The following LRRN3 variants were observed in gnomAD, a reference collection of about 807,000 sequenced individuals.
The protein encoded by LRRN3 is leucine-rich repeat neuronal protein 3.
Under a neutral mutation model 40.1 loss-of-function variants are expected in LRRN3, and 15 were observed. The observed-to-expected ratio is 0.37, with a 90% CI of 0.25 to 0.58. The LOEUF (loss-of-function observed/expected upper bound fraction) is 0.58, where lower values mean the gene tolerates loss of function less well. LRRN3 is among the 20% of genes least tolerant of loss of function. LRRN3 has a pLI of 0.72. For missense variants in LRRN3, 746 were observed against 837.7 expected (o/e 0.89, Z 1.35); for synonymous variants, 308 against 297.2 (o/e 1.04, Z -0.37).
chr7:111,107,649 A>AATC (rs1352273651), intron 2 of LRRN3, among the ~76,000 whole-genome samples: 1 of 152,122 alleles, frequency 6.6e-6, no homozygotes, highest in East Asian at 1.9e-4. Context: ...GTAAAGTAAT[A>AATC]ATCTCAAATA....
At chr7:111,119,963 G>A (rs1343562942) in intron 2 of LRRN3, among the ~76,000 whole-genome samples, 2 of 152,158 alleles carry the variant, frequency 1.3e-5, no homozygotes, top group East Asian at 3.9e-4. Flanking sequence ...TTCTTGAACT[G>A]AGGTTTGAAA....
Position 111,124,399 on chromosome 7 carries a change from G to A in LRRN3, c.1627G>A (p.Ala543Thr), listed in dbSNP as rs1396309139. The change falls in exon 3 of 3, where the codon GCA becomes ACA. Residue 543 changes from alanine to threonine, a missense_variant. Transcript: ENST00000308478. The stretch of plus-strand genomic sequence containing the variant: ...CAATTCAGTTTTGGTGTCCTGGAAA[G>A]CAAGTTCTAAAATTCTCAAATCTAG... ...QANSVLVSWK[A>T]SSKILKSSVK... 1 of 1,613,760 alleles carries A rather than the reference G, an allele frequency of 6.2e-7. No homozygotes were observed. Among genetic ancestry groups the A allele is most frequent in the Admixed American group, 1.7e-5 (1 of 59,914 alleles).
chr7:111,108,910 A>G (rs982132735), intron 2 of LRRN3, among the ~76,000 whole-genome samples: 6 of 152,194 alleles, frequency 3.9e-5, no homozygotes, highest in African/African-American at 9.6e-5. Context: ...ATTGAACAAC[A>G]ATAGCAGGCA....
At chr7:111,091,818 TG>T (rs1796895817) in intron 1 of LRRN3, among the ~76,000 whole-genome samples, 1 of 142,222 alleles carries the variant, frequency 7.0e-6, no homozygotes, top group South Asian at 2.3e-4. Flanking sequence ...AAGGGAACAG[TG>T]GGGGAGAAGA....
chr7:111,107,774 T>TTTGCAACATTTGGCTG (rs1259262683), intron 2 of LRRN3, among the ~76,000 whole-genome samples: 1 of 152,120 alleles, frequency 6.6e-6, no homozygotes, highest in Non-Finnish European at 1.5e-5. Flanking sequence ...CAAAGATTTA[T>TTTGCAACATTTGGCTG]TTGCAACATT....
At position 111,124,633 on chromosome 7, in the gene LRRN3, T is replaced by G; in HGVS notation, c.1861T>G (p.Tyr621Asp). 1 of 1,613,166 alleles carries G rather than the reference T, an allele frequency of 6.2e-7. No individual in the cohort carries two copies. The highest frequency in any genetic ancestry group is 8.5e-7 in the Non-Finnish European group (1 of 1,179,826). The change falls in exon 3 of 3, where the codon TAT becomes GAT. Residue 621 changes from tyrosine (Y) to aspartate (D), a missense_variant. Tyr to Asp is a radical substitution (Grantham distance 160). Transcript: ENST00000308478. ...AGGTTTGCACCCTGATCAAAAAGAG[T>G]ATGAAAAGAATAATACCACAACACT... ...TKGLHPDQKE[Y>D]EKNNTTTLMA... is the part of the protein sequence containing the mutation.
chr7:111,117,609 C>T (rs1800041697), intron 2 of LRRN3, among the ~76,000 whole-genome samples: 1 of 151,966 alleles, frequency 6.6e-6, no homozygotes, highest in Non-Finnish European at 1.5e-5. Flanking sequence ...ATAGAACAGT[C>T]TTTTACAAGG....
intron 2 of LRRN3, among the ~76,000 whole-genome samples, chr7:111,105,721 T>C (rs1393747311): frequency 6.6e-6 from 1 of 151,880 alleles, no homozygotes; most frequent in Non-Finnish European, 1.5e-5. Context: ...TGTTTGCATT[T>C]GTATTATGTG....
chr7:111,111,847 G>GA (rs1407547374), intron 2 of LRRN3, among the ~76,000 whole-genome samples: 2 of 135,870 alleles, frequency 1.5e-5, no homozygotes, highest in Non-Finnish European at 3.2e-5. Flanking sequence ...CTCTGAAAAA[G>GA]AAAAAATACA....
intron 2 of LRRN3, among the ~76,000 whole-genome samples, chr7:111,105,737 A>T (rs214885): frequency 2.4e-4 from 36 of 151,608 alleles, no homozygotes; most frequent in Admixed American, 2.4e-3. Context: ...ATGTGTACTA[A>T]CAATTTATGC....
chr7:111,124,876 G>A lies in LRRN3; in HGVS notation c.2104G>A (p.Gly702Ser). The A allele has an allele frequency of 6.3e-7, 1 of 1,595,992 alleles. No homozygotes were observed. The highest frequency in any genetic ancestry group is 8.5e-7 in the Non-Finnish European group (1 of 1,175,392). ...ACTGAAAGTAAAAGCAACTGTTATAGGTTTACCAACAAATATGTCCTAAAA... is the reference window on the plus strand; with the variant it reads ...ACTGAAAGTAAAAGCAACTGTTATAAGTTTACCAACAAATATGTCCTAAAA... ...TSLKVKATVI[G>S]LPTNMS is the part of the protein sequence containing the mutation. Residue 702 changes from glycine to serine, a missense_variant, in exon 3 of 3, where the codon GGT (glycine) becomes AGT (serine). Coordinates refer to ENST00000308478, the MANE Select transcript of LRRN3 (RefSeq NM_001099658.2).
intron 2 of LRRN3, among the ~76,000 whole-genome samples, chr7:111,103,030 T>C (rs1374517731): frequency 1.3e-5 from 2 of 151,700 alleles, no homozygotes; most frequent in East Asian, 3.9e-4. Context: ...AAGACTACAG[T>C]GTCCATTGAT....
intron 2 of LRRN3, among the ~76,000 whole-genome samples, chr7:111,115,066 G>A (rs527385477): frequency 3.9e-4 from 59 of 152,184 alleles, no homozygotes; most frequent in African/African-American, 1.1e-3. Context: ...GAATATTAAG[G>A]ATAATGAATA....
intron 2 of LRRN3, among the ~76,000 whole-genome samples, chr7:111,107,859 A>T (rs1798723684): frequency 6.6e-6 from 1 of 152,124 alleles, no homozygotes; most frequent in African/African-American, 2.4e-5. Context: ...TATAGACTCT[A>T]GCATGCAAAG....
chr7:111,124,869 T>G lies in LRRN3; in HGVS notation c.2097T>G (p.Thr699=). The change falls in exon 3 of 3, where the codon ACT becomes ACG. Residue 699 remains threonine, a synonymous_variant. Coordinates refer to ENST00000308478, the MANE Select transcript of LRRN3 (RefSeq NM_001099658.2). ...GTACATCACTGAAAGTAAAAGCAAC[T>G]GTTATAGGTTTACCAACAAATATGT... ...EKSTSLKVKA[T]VIGLPTNMS is the part of the protein sequence containing the mutation. 2 of 1,603,046 alleles carry G rather than the reference T, an allele frequency of 1.2e-6. No individual in the cohort carries two copies. Among genetic ancestry groups the G allele is most frequent in the Non-Finnish European group, 1.7e-6 (2 of 1,177,670 alleles).
intron 1 of LRRN3, among the ~76,000 whole-genome samples, chr7:111,099,165 G>C (rs1797705257): frequency 6.6e-6 from 1 of 151,518 alleles, no homozygotes; most frequent in South Asian, 2.1e-4. Flanking sequence ...CTTCACCTGA[G>C]GTCATGCAGT....
chr7:111,110,691 A>G (rs1799096482), intron 2 of LRRN3, among the ~76,000 whole-genome samples: 1 of 152,130 alleles, frequency 6.6e-6, no homozygotes, highest in South Asian at 2.1e-4. Flanking sequence ...ATATGAAATT[A>G]ATGTTGAGTA....
Position 111,123,637 on chromosome 7 carries a change from T to C in LRRN3, c.865T>C (p.Leu289=), listed in dbSNP as rs905937311. The change falls in exon 3 of 3, where the codon TTG becomes CTG. Residue 289 remains leucine (L), a synonymous_variant. Coordinates refer to ENST00000308478, the MANE Select transcript of LRRN3 (RefSeq NM_001099658.2). This position sits in a 1 kb window ranked among gnomAD's most constrained non-coding sequence, Gnocchi z 6.4. ...TAGCAATATGCTACACTTAAAAGAG[T>C]TGGGGATAAATAATATGCCTGAGCT... The part of the protein sequence containing the change: ...DFSNMLHLKE[L]GINNMPELIS... 3.1e-6 allele frequency: 5 copies of C among 1,613,342 alleles called. No homozygotes were observed. The highest frequency in any genetic ancestry group is 4.2e-6 in the Non-Finnish European group (5 of 1,179,848).
At chr7:111,102,252 T>A (rs1184641004) in intron 2 of LRRN3, among the ~76,000 whole-genome samples, 2 of 151,512 alleles carry the variant, frequency 1.3e-5, no homozygotes, top group East Asian at 3.9e-4. Context: ...GATTATAGTT[T>A]TAAAAAGTTT....
Sources: gnomAD v4.1 joint callset for allele counts (sites outside exome capture counted in the v4.1 genomes callset) on GRCh38, gnomAD v4.1.1 for gene constraint, Gnocchi (gnomAD v3.1) non-coding constraint, MANE v1.5 for transcripts, NCBI Gene and HGNC (gene_info 2026-07-23, HGNC 2026-07-21) for gene names.